Variants in ALMS1 observed in about 807,000 individuals in gnomAD.
ALMS1 encodes centrosome-associated protein ALMS1.
A neutral mutation model predicts 352.2 loss-of-function variants in ALMS1; 271 were observed. The ratio of observed to expected loss-of-function variants is 0.77; its 90% CI spans 0.70 to 0.85. The LOEUF (loss-of-function observed/expected upper bound fraction) is 0.85, where lower values mean the gene tolerates loss of function less well. Among genes scored for constraint, ALMS1 ranks in the 40% least tolerant of loss-of-function variants. The pLI is 0.00. For missense variants in ALMS1, 5,445 were observed against 4,870.7 expected (o/e 1.12, Z -3.51); for synonymous variants, 1,865 against 1,761.2 (o/e 1.06, Z -1.48).
rs72909392 is a variant in ALMS1 at position 73,489,398 on chromosome 2, A to C, written c.7675-236A>C. 2.4e-3 allele frequency among the ~76,000 whole-genome samples: 370 copies of C among 152,324 alleles called. 2 individuals are homozygous for C. The highest frequency in any genetic ancestry group is 8.6e-3 in the African/African-American group (357 of 41,588). ...AATAGTAATCTTTGCTGTTTACTTT[A>C]GTGGAAATTTTTTAGAAGAACTCTC... On this transcript the variant is annotated intron_variant, in intron 9 of 22. Coordinates refer to ENST00000613296, the MANE Select transcript of ALMS1 (RefSeq NM_001378454.1).
rs778205604 is a variant in ALMS1, at chr2:73,603,303, C to T, written c.12361C>T (p.Arg4121Trp). The T allele has an allele frequency of 1.1e-5, 17 of 1,613,866 alleles. No individual in the cohort carries two copies. Among genetic ancestry groups the T allele is most frequent in the East Asian group, 2.2e-5 (1 of 44,896 alleles). Residue 4121 changes from arginine to tryptophan, a missense_variant and splice_region_variant, in exon 21 of 23, where the codon CGG (arginine) becomes TGG (tryptophan). Physicochemically the swap from Arg to Trp is moderately radical, Grantham distance 101. Coordinates refer to ENST00000613296, the MANE Select transcript of ALMS1 (RefSeq NM_001378454.1). The stretch of plus-strand genomic sequence containing the variant: ...GAAGGAAATGATTCAGAGGTCCAAA[C>T]GGTAAGACCAAGAAAACAAGAGTAC... ...SKKEMIQRSK[R>W]IYEQLPEVQK...
intron 11 of ALMS1, among the ~76,000 whole-genome samples, chr2:73,530,802 G>A (rs754652011): frequency 6.6e-6 from 1 of 152,222 alleles, no homozygotes; most frequent in Non-Finnish European, 1.5e-5. Context: ...CTTGTCTTCT[G>A]TGCATCTGTA....
At chr2:73,580,058 C>G (rs1010208670) in intron 16 of ALMS1, among the ~76,000 whole-genome samples, 10 of 152,006 alleles carry the variant, frequency 6.6e-5, no homozygotes, top group Non-Finnish European at 1.5e-4. Flanking sequence ...AAGCTCTGTT[C>G]ATTTTTCTTC....
At chr2:73,493,720 C>CA (rs943647102) in intron 10 of ALMS1, among the ~76,000 whole-genome samples, 19 of 145,806 alleles carry the variant, frequency 1.3e-4, no homozygotes, top group South Asian at 4.4e-4. Flanking sequence ...GACTCTGCCT[C>CA]AAAAAAAAAA....
intron 11 of ALMS1, among the ~76,000 whole-genome samples, chr2:73,527,767 T>G (rs745426759): frequency 1.3e-5 from 2 of 152,068 alleles, no homozygotes; most frequent in South Asian, 4.1e-4. Flanking sequence ...TTTGCTCTGA[T>G]CTTTATTTCT....
chr2:73,546,519 G>A lies in ALMS1; in HGVS notation c.9908-3748G>A, dbSNP rs184459718. ...CTATAATGGAGTTTATGTTCACGTT[G>A]GTTGACAGATATTAAACAAATAAAC... On this transcript the variant is annotated intron_variant, in intron 12 of 22. Coordinates refer to ENST00000613296, the MANE Select transcript of ALMS1 (RefSeq NM_001378454.1). Among the ~76,000 whole-genome samples, 8 of 152,234 alleles carry A rather than the reference G, an allele frequency of 5.3e-5. No individual in the cohort carries two copies. The East Asian group carries it at 1.4e-3, about 26-fold the overall frequency.
Position 73,609,791 on chromosome 2 carries a change from G to A in ALMS1, c.*179G>A, listed in dbSNP as rs1558716012. 3.1e-6 allele frequency: 2 copies of A among 650,664 alleles called. No homozygotes were observed. The highest frequency in any genetic ancestry group is 2.9e-5 in the East Asian group (1 of 35,018). 40.3% of individuals were successfully genotyped at this position (650,664 alleles called of 1,614,324 possible). A position where few individuals can be genotyped will look rare whatever the true frequency, so the allele number is the denominator to read the frequency against. On this transcript the variant is annotated 3_prime_UTR_variant, in exon 23 of 23. Transcript: ENST00000613296. ...GATTAAAATTCCTAATGGTTTGGGA[G>A]CAATACTTTCTGCATAGTGGCCTTG...
chr2:73,508,204 CTTCT>C (rs1200221521), intron 10 of ALMS1, among the ~76,000 whole-genome samples: 2 of 106,426 alleles, frequency 1.9e-5, no homozygotes, highest in Non-Finnish European at 3.8e-5. Context: ...CTTTCTTCTT[CTTCT>C]TTTTTTTTTT....
chr2:73,495,668 T>C (rs1185058216), intron 10 of ALMS1, among the ~76,000 whole-genome samples: 1 of 152,176 alleles, frequency 6.6e-6, no homozygotes, highest in East Asian at 1.9e-4. Context: ...CTAAGAAATA[T>C]AGGTAGATTT....
intron 10 of ALMS1, among the ~76,000 whole-genome samples, chr2:73,517,162 A>G (rs947737273): frequency 2.7e-5 from 4 of 150,480 alleles, no homozygotes; most frequent in African/African-American, 9.9e-5. Context: ...TTTGTGATAT[A>G]TTCTAGATAT....
intron 9 of ALMS1, among the ~76,000 whole-genome samples, chr2:73,465,292 A>T (rs1672309508): frequency 6.6e-6 from 1 of 152,192 alleles, no homozygotes; most frequent in Non-Finnish European, 1.5e-5. Flanking sequence ...AAACAGAGAT[A>T]TAGATCAATG....
chr2:73,419,395 T>C, intron 3 of ALMS1, 77 bp downstream of exon 3: 1 of 1,438,026 alleles, frequency 7.0e-7, no homozygotes. Flanking sequence ...CTTGTAACTT[T>C]CCCCTTTTTG....
chr2:73,434,029 G>T (rs1671562227), intron 7 of ALMS1, among the ~76,000 whole-genome samples: 2 of 151,272 alleles, frequency 1.3e-5, no homozygotes, highest in African/African-American at 4.9e-5. Context: ...GTTAAATTTT[G>T]TCAATTTTGC....
chr2:73,536,056 C>G (rs1338602847), intron 12 of ALMS1, among the ~76,000 whole-genome samples: 1 of 152,174 alleles, frequency 6.6e-6, no homozygotes, highest in Non-Finnish European at 1.5e-5. Flanking sequence ...ATACTCACCA[C>G]AAGTTAAGAT....
intron 16 of ALMS1, among the ~76,000 whole-genome samples, chr2:73,591,962 A>C (rs1399549097): frequency 6.6e-6 from 1 of 152,152 alleles, no homozygotes; most frequent in Non-Finnish European, 1.5e-5. Context: ...GTCCAACCCA[A>C]AGCCCTACCA....
At chr2:73,517,084 C>CT (rs775782856) in intron 10 of ALMS1, among the ~76,000 whole-genome samples, 4 of 151,818 alleles carry the variant, frequency 2.6e-5, no homozygotes, top group South Asian at 4.2e-4. Context: ...CCTTTTTTTT[C>CT]TTTTCTCATA....
intron 2 of ALMS1, 98 bp downstream of exon 2, chr2:73,408,845 T>G: frequency 1.1e-6 from 1 of 923,166 alleles, no homozygotes; most frequent in Non-Finnish European, 1.6e-6. Flanking sequence ...TAATATTCAT[T>G]AATATTATGT....
intron 5 of ALMS1, among the ~76,000 whole-genome samples, chr2:73,425,904 A>G (rs550953616): frequency 3.2e-4 from 49 of 152,312 alleles, no homozygotes; most frequent in African/African-American, 1.1e-3. Context: ...TCATTAAGCC[A>G]CTTTGTGTTA....
At chr2:73,466,367 A>T (rs1165452749) in intron 9 of ALMS1, among the ~76,000 whole-genome samples, 13 of 151,990 alleles carry the variant, frequency 8.6e-5, no homozygotes, top group African/African-American at 2.7e-4. Flanking sequence ...CATCATTCTC[A>T]GCAAGCTATC....
Sources: allele counts gnomAD v4.1 joint callset (sites outside exome capture counted in the v4.1 genomes callset), GRCh38; gene constraint gnomAD v4.1.1; transcripts MANE v1.5; gene names NCBI Gene and HGNC (gene_info 2026-07-23, HGNC 2026-07-21).